Variants in FRYL observed in about 807,000 individuals in gnomAD.
The protein encoded by FRYL is protein furry homolog-like.
FRYL carries 150 observed loss-of-function variants against 351.2 expected under a neutral mutation model. That is an observed-to-expected ratio of 0.43 (90% CI 0.37 to 0.49). The LOEUF is 0.49. Among genes scored for constraint, FRYL ranks in the 20% least tolerant of loss-of-function variants. The pLI, the probability that FRYL is intolerant of heterozygous loss-of-function variation, is 0.00. For missense variants in FRYL, 3,036 were observed against 3,619.3 expected, an observed-to-expected ratio of 0.84 and a Z score of 4.13; for synonymous variants, 1,153 against 1,257.1, an observed-to-expected ratio of 0.92 and a Z score of 1.75.
intron 4 of FRYL, among the ~76,000 whole-genome samples, chr4:48,630,758 T>A (rs764295110): frequency 6.6e-6 from 1 of 152,162 alleles, no homozygotes; most frequent in Non-Finnish European, 1.5e-5. Flanking sequence ...AATGTAAGAA[T>A]GAAAAAGCCA....
chr4:48,687,492 C>CGGGGG (rs561805370), intron 2 of FRYL, among the ~76,000 whole-genome samples: 11 of 46,584 alleles, frequency 2.4e-4, no homozygotes, highest in Admixed American at 2.8e-4. Context: ...CAAATGAGGT[C>CGGGGG]GGGGGGGGGG....
intron 3 of FRYL, among the ~76,000 whole-genome samples, chr4:48,647,302 T>G (rs1326068357): frequency 1.3e-5 from 2 of 152,148 alleles, no homozygotes; most frequent in African/African-American, 4.8e-5. Flanking sequence ...AGTCTATACA[T>G]GAGTACTACA....
intron 1 of FRYL, among the ~76,000 whole-genome samples, chr4:48,738,863 C>T (rs531138160): frequency 1.4e-4 from 21 of 152,056 alleles, no homozygotes; most frequent in East Asian, 1.4e-3. Flanking sequence ...ATAGGGTCAA[C>T]GCAATCTCAA....
At chr4:48,701,861 C>G (rs930296224) in intron 2 of FRYL, among the ~76,000 whole-genome samples, 9 of 152,150 alleles carry the variant, frequency 5.9e-5, no homozygotes, top group African/African-American at 1.9e-4. Flanking sequence ...CCATTACCCC[C>G]AGTAAGTCAT....
intron 16 of FRYL, among the ~76,000 whole-genome samples, 174 bp downstream of exon 16, chr4:48,593,756 A>AACAC (rs1744026865): frequency 6.6e-6 from 1 of 152,162 alleles, no homozygotes; most frequent in Admixed American, 6.5e-5. Flanking sequence ...CAAACAAACA[A>AACAC]ACACTATTAT....
intron 1 of FRYL, among the ~76,000 whole-genome samples, chr4:48,742,065 T>G (rs1332453087): frequency 6.6e-6 from 1 of 152,140 alleles, no homozygotes; most frequent in Non-Finnish European, 1.5e-5. Context: ...GTAGCAAATG[T>G]ACCCCCCTGG....
At chr4:48,576,317 T>A in intron 23 of FRYL, 95 bp from the exon 24 acceptor site, 1 of 1,035,420 alleles carries the variant, frequency 9.7e-7, no homozygotes, top group African/African-American at 1.7e-5. Context: ...TTTTTTTTTT[T>A]TTGAGACAGA....
At chr4:48,542,172 C>G (rs910247532) in intron 44 of FRYL, 51 bp from the exon 45 acceptor site, 9 of 1,178,444 alleles carry the variant, frequency 7.6e-6, no homozygotes, top group Non-Finnish European at 1.1e-5. Flanking sequence ...AATAAAGAAA[C>G]TGCAATGGAC....
chr4:48,591,214 A>G (rs1019233977), intron 16 of FRYL, among the ~76,000 whole-genome samples: 1 of 152,004 alleles, frequency 6.6e-6, no homozygotes, highest in Non-Finnish European at 1.5e-5. Context: ...AAATCACACT[A>G]ATTTACTTAT....
intron 3 of FRYL, among the ~76,000 whole-genome samples, chr4:48,655,351 G>A (rs1758612348): frequency 6.6e-6 from 1 of 152,016 alleles, no homozygotes; most frequent in Non-Finnish European, 1.5e-5. Context: ...GAGACATCTC[G>A]TAATTAGTTT....
intron 1 of FRYL, among the ~76,000 whole-genome samples, chr4:48,777,707 TTAAA>T (rs1776170217): frequency 6.6e-6 from 1 of 152,232 alleles, no homozygotes; most frequent in African/African-American, 2.4e-5. Context: ...CTTTTATTGT[TTAAA>T]TAAATTGGTA....
intron 13 of FRYL, 75 bp downstream of exon 13, chr4:48,601,945 G>T: frequency 1.2e-6 from 1 of 813,880 alleles, no homozygotes; most frequent in Non-Finnish European, 2.1e-6. Context: ...GTTTCATTAT[G>T]CACTGTTCAA....
chr4:48,595,697 G>T lies in FRYL; in HGVS notation c.1141C>A (p.Arg381Ser), dbSNP rs754934675. The change falls in exon 15 of 64, where the codon CGT (arginine) becomes AGT (serine). Residue 381 changes from arginine (R) to serine (S), a missense_variant and splice_region_variant. Around this residue, in one of 7 missense-constraint regions of FRYL, gnomAD observed 457 missense variants for 566.6 expected, o/e 0.81. Coordinates refer to ENST00000358350, the MANE Select transcript of FRYL (RefSeq NM_015030.2). ...KCESNTVTQS[R>S]LMSIVSALFP... ...AGTGCTGACACTATGCTCATAAGAC[G>T]ACTACAGGGAAAAAGATCTAGTCAT... The T allele has an allele frequency of 6.3e-7, 1 of 1,598,024 alleles. No individual in the cohort carries two copies. Among genetic ancestry groups the T allele is most frequent in the African/African-American group, 1.3e-5 (1 of 74,376 alleles).
chr4:48,651,451 C>A (rs1239669082), intron 3 of FRYL, among the ~76,000 whole-genome samples: 1 of 151,938 alleles, frequency 6.6e-6, no homozygotes, highest in African/African-American at 2.4e-5. Context: ...GGACTACCAA[C>A]GTGACCTCCC....
At chr4:48,745,668 G>A (rs1437180722) in intron 1 of FRYL, among the ~76,000 whole-genome samples, 1 of 151,994 alleles carries the variant, frequency 6.6e-6, no homozygotes, top group Non-Finnish European at 1.5e-5. Context: ...CGAGTTAATG[G>A]GTGCAGCACA....
intron 1 of FRYL, among the ~76,000 whole-genome samples, chr4:48,712,200 G>A (rs1768141381): frequency 6.6e-6 from 1 of 152,174 alleles, no homozygotes; most frequent in Non-Finnish European, 1.5e-5. Flanking sequence ...CACCAGCAAT[G>A]GAACAAAGCT....
chr4:48,691,641 T>C lies in FRYL; in HGVS notation c.-203-6846A>G, dbSNP rs150358665. 3.9e-5 allele frequency among the ~76,000 whole-genome samples: 6 copies of C among 152,272 alleles called. No homozygotes were observed. In the East Asian group the frequency reaches 1.2e-3, roughly 29 times the overall value. On this transcript the variant is annotated intron_variant, in intron 2 of 63. Coordinates refer to ENST00000358350, the MANE Select transcript of FRYL (RefSeq NM_015030.2). The stretch of plus-strand genomic sequence containing the variant: ...ACACACAGTAAGTACTCAATAATGG[T>C]AATATTTATTAACTTATACCACAAA...
intron 50 of FRYL, among the ~76,000 whole-genome samples, chr4:48,529,874 C>T (rs1190001315): frequency 6.6e-6 from 1 of 152,128 alleles, no homozygotes; most frequent in East Asian, 1.9e-4. Context: ...TATTAATATA[C>T]AGCATAGCCA....
intron 41 of FRYL, 121 bp from the exon 42 acceptor site, chr4:48,546,392 G>T: frequency 1.4e-6 from 1 of 731,816 alleles, no homozygotes; most frequent in Non-Finnish European, 2.3e-6. Flanking sequence ...TCAGTGCAAG[G>T]TGATGTGAAT....
Sources: allele counts gnomAD v4.1 joint callset (sites outside exome capture counted in the v4.1 genomes callset), GRCh38; gene constraint gnomAD v4.1.1; regional missense constraint gnomAD v4.1.1; transcripts MANE v1.5; gene names NCBI Gene and HGNC (gene_info 2026-07-23, HGNC 2026-07-21).